Variants in ZFAND3 observed in about 807,000 individuals in gnomAD.
ZFAND3 encodes zinc finger AN1-type containing 3.
ZFAND3 carries 10 observed loss-of-function variants against 29.6 expected under a neutral mutation model. The observed-to-expected ratio is 0.34, with a 90% confidence interval of 0.21 to 0.57. The LOEUF (loss-of-function observed/expected upper bound fraction) is 0.57, where lower values mean the gene tolerates loss of function less well. Among genes scored for constraint, ZFAND3 ranks in the 20% least tolerant of loss-of-function variants. The pLI is 0.86. For synonymous variants in ZFAND3, 128 were observed against 112.6 expected, an observed-to-expected ratio of 1.14 and a Z score of -0.87; for missense variants, 230 against 304.5, an observed-to-expected ratio of 0.76 and a Z score of 1.82.
chr6:37,883,043 A>AC (rs1183670099), intron 1 of ZFAND3, among the ~76,000 whole-genome samples: 1 of 151,982 alleles, frequency 6.6e-6, no homozygotes, highest in Non-Finnish European at 1.5e-5. Context: ...ACATAGTGAG[A>AC]CCCCTTCTCT....
At chr6:37,978,865 A>T (rs942450615) in intron 2 of ZFAND3, among the ~76,000 whole-genome samples, 1 of 151,970 alleles carries the variant, frequency 6.6e-6, no homozygotes, top group Admixed American at 6.5e-5. Flanking sequence ...GGGTTTTACC[A>T]TGTTGGCCAG....
chr6:38,038,522 T>TA (rs1387081815), intron 2 of ZFAND3, among the ~76,000 whole-genome samples: 1 of 152,206 alleles, frequency 6.6e-6, no homozygotes, highest in Non-Finnish European at 1.5e-5. Context: ...TAAAATGAGA[T>TA]ATTTTTAAAT....
At chr6:38,129,583 C>G (rs555561765) in intron 5 of ZFAND3, among the ~76,000 whole-genome samples, 2 of 152,222 alleles carry the variant, frequency 1.3e-5, no homozygotes, top group African/African-American at 4.8e-5. Flanking sequence ...AAAGGGTGTC[C>G]TTTCACCACT....
At chr6:37,936,988 TA>T (rs1761709760) in intron 2 of ZFAND3, among the ~76,000 whole-genome samples, 1 of 152,208 alleles carries the variant, frequency 6.6e-6, no homozygotes, top group Non-Finnish European at 1.5e-5. Flanking sequence ...CAGAAGAGGA[TA>T]ACAAATTCCC....
At chr6:38,144,208 TATAATATATAATATATATA>T (rs1766043163) in intron 5 of ZFAND3, among the ~76,000 whole-genome samples, 4 of 43,480 alleles carry the variant, frequency 9.2e-5, no homozygotes, top group African/African-American at 4.1e-4. Context: ...TATATATATA[TATAATATATAATATATATA>T]TATATTTTTT....
intron 1 of ZFAND3, among the ~76,000 whole-genome samples, chr6:37,820,312 G>C (rs554324023): frequency 7.9e-5 from 12 of 152,326 alleles, no homozygotes; most frequent in African/African-American, 2.6e-4. Context: ...GGCGGGGAGG[G>C]ATGAGGGGGC....
intron 1 of ZFAND3, 44 bp downstream of exon 1, chr6:37,820,060 C>T: frequency 4.2e-6 from 5 of 1,194,598 alleles, no homozygotes; most frequent in Non-Finnish European, 5.2e-6. Context: ...GGGCCGGGGG[C>T]GCAGACGCCA....
At chr6:37,825,810 AAGAAT>A (rs767495559) in intron 1 of ZFAND3, among the ~76,000 whole-genome samples, 3 of 152,196 alleles carry the variant, frequency 2.0e-5, no homozygotes, top group African/African-American at 7.2e-5. Context: ...AGGCTTTGAA[AAGAAT>A]AAAGTCCTTA....
intron 2 of ZFAND3, among the ~76,000 whole-genome samples, chr6:37,957,895 T>A (rs1210944111): frequency 1.3e-5 from 2 of 152,202 alleles, no homozygotes; most frequent in Non-Finnish European, 2.9e-5. Context: ...ATATGCTGTG[T>A]GTGTGACATA....
At chr6:38,122,486 G>A (rs1765554862) in intron 5 of ZFAND3, among the ~76,000 whole-genome samples, 1 of 152,176 alleles carries the variant, frequency 6.6e-6, no homozygotes, top group African/African-American at 2.4e-5. Context: ...TGCTCAAATT[G>A]TCCTGGATTT....
At chr6:38,098,002 T>C (rs764854123) in intron 4 of ZFAND3, among the ~76,000 whole-genome samples, 8 of 152,126 alleles carry the variant, frequency 5.3e-5, no homozygotes, top group Non-Finnish European at 1.2e-4. Context: ...CTTAAGAAAA[T>C]TGAGAATTAT....
intron 3 of ZFAND3, among the ~76,000 whole-genome samples, chr6:38,065,291 G>C (rs1358059533): frequency 6.6e-6 from 1 of 151,690 alleles, no homozygotes; most frequent in Non-Finnish European, 1.5e-5. Flanking sequence ...CTCCAGCCTG[G>C]CGACAGAGTG....
chr6:38,008,641 C>G (rs982941364), intron 2 of ZFAND3, among the ~76,000 whole-genome samples: 3 of 152,086 alleles, frequency 2.0e-5, no homozygotes, highest in Non-Finnish European at 4.4e-5. Context: ...CTTCTATCTC[C>G]CCCTCCACCA....
At chr6:38,047,243 C>T (rs188493665) in intron 2 of ZFAND3, among the ~76,000 whole-genome samples, 8 of 150,532 alleles carry the variant, frequency 5.3e-5, no homozygotes, top group East Asian at 3.9e-4. Flanking sequence ...TGAACACAGG[C>T]GGCGGAGGTT....
chr6:37,880,713 T>C (rs898427777), intron 1 of ZFAND3, among the ~76,000 whole-genome samples: 1 of 152,062 alleles, frequency 6.6e-6, no homozygotes, highest in African/African-American at 2.4e-5. Context: ...TGTATAGTTC[T>C]GAATCACAAA....
At chr6:38,065,438 C>T (rs1764326238) in intron 3 of ZFAND3, among the ~76,000 whole-genome samples, 1 of 152,098 alleles carries the variant, frequency 6.6e-6, no homozygotes, top group East Asian at 1.9e-4. Context: ...TGATAGTGGG[C>T]AAGGTCACAA....
intron 2 of ZFAND3, among the ~76,000 whole-genome samples, chr6:38,013,367 A>T (rs1763194480): frequency 6.6e-6 from 1 of 152,086 alleles, no homozygotes; most frequent in Admixed American, 6.5e-5. Context: ...TTTCGGGACC[A>T]CTCACCAGTC....
intron 2 of ZFAND3, among the ~76,000 whole-genome samples, chr6:38,005,885 G>A (rs1442177889): frequency 1.3e-5 from 2 of 152,124 alleles, no homozygotes; most frequent in Non-Finnish European, 1.5e-5. Context: ...GCACATATAT[G>A]GACATTTGGC....
At chr6:38,056,421 G>A (rs541257762) in intron 2 of ZFAND3, among the ~76,000 whole-genome samples, 2 of 152,280 alleles carry the variant, frequency 1.3e-5, no homozygotes, top group East Asian at 1.9e-4. Context: ...TCTGAAAGAC[G>A]TATTATTGTA....
Sources: allele counts gnomAD v4.1 joint callset (sites outside exome capture counted in the v4.1 genomes callset), GRCh38; gene constraint gnomAD v4.1.1; transcripts MANE v1.5; gene names NCBI Gene and HGNC (gene_info 2026-07-23, HGNC 2026-07-21).